The following TSTD2 variants were observed in gnomAD, a reference collection of about 807,000 sequenced individuals.
TSTD2 encodes thiosulfate sulfurtransferase/rhodanese-like domain-containing protein 2.
TSTD2 carries 37 observed loss-of-function variants against 47.9 expected under a neutral mutation model. That is an observed-to-expected ratio of 0.77 (90% CI 0.59 to 1.02). TSTD2 has a LOEUF of 1.02. Ranked by LOEUF, TSTD2 falls within the 50% of genes least tolerant of loss-of-function variation. The pLI, the probability that TSTD2 is intolerant of heterozygous loss-of-function variation, is 0.00. For synonymous variants in TSTD2, 201 were observed against 215.9 expected (o/e 0.93, Z 0.61); for missense variants, 586 against 616.0 (o/e 0.95, Z 0.52).
intron 6 of TSTD2, among the ~76,000 whole-genome samples, chr9:97,607,122 C>A (rs980309403): frequency 1.3e-5 from 2 of 152,138 alleles, no homozygotes; most frequent in African/African-American, 4.8e-5. Context: ...GCTATGATCA[C>A]ACCACTGTAC....
chr9:97,616,147 G>C (rs977408691), intron 4 of TSTD2, among the ~76,000 whole-genome samples: 3 of 152,170 alleles, frequency 2.0e-5, no homozygotes, highest in Non-Finnish European at 4.4e-5. Flanking sequence ...AGTGGGTGTA[G>C]GAGAGTTCCT....
rs1587971512 is a variant in TSTD2, at chr9:97,600,314, T to C, written c.*2155A>G. On this transcript the variant is annotated 3_prime_UTR_variant, in exon 10 of 10. Transcript: ENST00000341170. ...ATTCCTTTTGCTGGATATGCAGAAA[T>C]GATAGGAAAAAAACCAATGGTGAAA... 1.0e-6 allele frequency: 1 copy of C among 986,032 alleles called. No individual in the cohort carries two copies. Among genetic ancestry groups the C allele is most frequent in the East Asian group, 1.1e-4 (1 of 8,816 alleles). The allele number at this position is 986,032 out of a possible 1,614,324, so 61.1% of individuals were successfully genotyped here.
At chr9:97,610,744 A>T (rs1292662216) in intron 5 of TSTD2, 1 of 205,096 alleles carries the variant, frequency 4.9e-6, no homozygotes, top group Non-Finnish European at 9.7e-6. Flanking sequence ...CCCGGTTTTC[A>T]TTCTTTTCCT....
Position 97,633,322 on chromosome 9 carries a change from A to G in TSTD2, c.-130T>C. 1 of 333,622 alleles carries G rather than the reference A, an allele frequency of 3.0e-6. No homozygotes were observed. The highest frequency in any genetic ancestry group is 4.6e-5 in the East Asian group (1 of 21,886). The allele number at this position is 333,622 out of a possible 1,614,324, so 20.7% of individuals were successfully genotyped here. On this transcript the variant is annotated 5_prime_UTR_variant, in exon 1 of 10. Transcript: ENST00000341170. ...CAATTGTCACTGCTCACCGCCCTCG[A>G]GCCTATTCCCCCGCCGCGTATTTGG...
chr9:97,613,827 C>CTTTTT (rs755229835), intron 4 of TSTD2, among the ~76,000 whole-genome samples: 8 of 123,086 alleles, frequency 6.5e-5, no homozygotes, highest in African/African-American at 1.3e-4. Flanking sequence ...TTGATCAATT[C>CTTTTT]TTTTTTTTTT....
chr9:97,611,829 A>C, intron 4 of TSTD2, 130 bp from the exon 5 acceptor site: 2 of 856,592 alleles, frequency 2.3e-6, no homozygotes, highest in Non-Finnish European at 3.6e-6. Flanking sequence ...AGGACACCAA[A>C]GTGTTACTGG....
chr9:97,627,622 A>C lies in TSTD2; in HGVS notation c.-50-10T>G. 1 of 1,426,072 alleles carries C rather than the reference A, an allele frequency of 7.0e-7. No individual in the cohort carries two copies. The highest frequency in any genetic ancestry group is 9.4e-7 in the Non-Finnish European group (1 of 1,065,934). 88.3% of individuals were successfully genotyped at this position (1,426,072 alleles called of 1,614,324 possible). On this transcript the variant is annotated splice_polypyrimidine_tract_variant and intron_variant, in intron 1 of 9. Transcript: ENST00000341170. ...TTCAGTTAAATACCTCCTAGAATAT[A>C]AATAAGAAAGAAGCAGCCATGCTAT... is the stretch of plus-strand genomic sequence containing the variant.
chr9:97,616,910 G>A lies in TSTD2; in HGVS notation c.603+847C>T, dbSNP rs1826552141. On this transcript the variant is annotated intron_variant, in intron 4 of 9. Coordinates refer to ENST00000341170, the MANE Select transcript of TSTD2 (RefSeq NM_139246.5). ...CATTTTGGTATACACAACCTTCCAT[G>A]TTTATACATGCACTTCTGGTTTTGT... is the stretch of plus-strand genomic sequence containing the variant. Among the ~76,000 whole-genome samples the A allele has an allele frequency of 1.3e-5, 2 of 152,166 alleles. 1 individual carries two copies. The highest frequency in any genetic ancestry group is 4.1e-4 in the South Asian group (2 of 4,836).
intron 3 of TSTD2, among the ~76,000 whole-genome samples, chr9:97,624,349 G>A (rs562599484): frequency 4.6e-5 from 7 of 152,176 alleles, no homozygotes; most frequent in African/African-American, 1.4e-4. Context: ...GAGGAATGGA[G>A]GCCTTTGACT....
intron 1 of TSTD2, among the ~76,000 whole-genome samples, chr9:97,629,167 G>C (rs767224050): frequency 1.1e-4 from 16 of 152,178 alleles, no homozygotes; most frequent in Non-Finnish European, 1.9e-4. Flanking sequence ...ATGAGAGAAA[G>C]GAAGGTGGGA....
In TSTD2 at chr9:97,602,380, T is replaced by G; in HGVS notation, c.*89A>C. 1 of 1,433,000 alleles carries G rather than the reference T, an allele frequency of 7.0e-7. No homozygotes were observed. Among genetic ancestry groups the G allele is most frequent in the Non-Finnish European group, 9.3e-7 (1 of 1,080,824 alleles). 88.8% of individuals were successfully genotyped at this position (1,433,000 alleles called of 1,614,324 possible). A position where few individuals can be genotyped will look rare whatever the true frequency, so the allele number is the denominator to read the frequency against. ...GGCCAGAACTGAAGTTCCCGATTTCTCTGTTTCTGCAGTCTTGCCATGCTT... is the reference window on the plus strand; with the variant it reads ...GGCCAGAACTGAAGTTCCCGATTTCGCTGTTTCTGCAGTCTTGCCATGCTT... On this transcript the variant is annotated 3_prime_UTR_variant, in exon 10 of 10. Coordinates refer to ENST00000341170, the MANE Select transcript of TSTD2 (RefSeq NM_139246.5).
intron 1 of TSTD2, among the ~76,000 whole-genome samples, chr9:97,631,687 T>C (rs1826816457): frequency 6.6e-6 from 1 of 152,062 alleles, no homozygotes; most frequent in Non-Finnish European, 1.5e-5. Context: ...CTACTAAAAA[T>C]ATACAAATTA....
Position 97,600,799 on chromosome 9 carries a change from C to G in TSTD2, c.*1670G>C. ...ATTACACTGAAATGTAGTATTAGTA[C>G]TGCTGCCAGATCTCTTTTTAACATC... On this transcript the variant is annotated 3_prime_UTR_variant, in exon 10 of 10. Transcript: ENST00000341170. The G allele has an allele frequency of 9.3e-7, 1 of 1,073,904 alleles. No homozygotes were observed. Among genetic ancestry groups the G allele is most frequent in the African/African-American group, 1.7e-5 (1 of 59,318 alleles). 66.5% of individuals were successfully genotyped at this position (1,073,904 alleles called of 1,614,324 possible). A position where few individuals can be genotyped will look rare whatever the true frequency, so the allele number is the denominator to read the frequency against.
At chr9:97,630,481 A>C (rs1826791333) in intron 1 of TSTD2, among the ~76,000 whole-genome samples, 1 of 145,946 alleles carries the variant, frequency 6.9e-6, no homozygotes, top group Admixed American at 6.6e-5. Context: ...TAAGTAAGTA[A>C]TAAACAAACA....
rs765322224 is a variant in TSTD2, at chr9:97,617,757, C to T, written c.603G>A (p.Lys201=). The part of the protein sequence containing the change: ...ALCQHLHLTG[K]IRIAAEGING... ...GAAGGAATATAGGAGAAGGTGTTACCTTGCCTGTGAGGTGCAGGTGCTGAC... is the reference window on the plus strand; with the variant it reads ...GAAGGAATATAGGAGAAGGTGTTACTTTGCCTGTGAGGTGCAGGTGCTGAC... The change falls in exon 4 of 10, where the codon AAG becomes AAA. Residue 201 remains lysine, a splice_region_variant and synonymous_variant. Transcript: ENST00000341170. 47 of 1,612,440 alleles carry T rather than the reference C, an allele frequency of 2.9e-5. No homozygotes were observed. Among genetic ancestry groups the T allele is most frequent in the Admixed American group, 1.3e-4 (8 of 59,504 alleles).
intron 4 of TSTD2, among the ~76,000 whole-genome samples, chr9:97,615,711 T>C (rs1027020451): frequency 1.3e-5 from 2 of 152,236 alleles, no homozygotes; most frequent in Admixed American, 1.3e-4. Flanking sequence ...TCATTGCTAA[T>C]TTAGCACTTG....
intron 3 of TSTD2, among the ~76,000 whole-genome samples, chr9:97,618,411 C>T (rs151251434): frequency 1.3e-5 from 2 of 152,364 alleles, no homozygotes; most frequent in East Asian, 3.9e-4. Context: ...ACTCTTTCTA[C>T]TGCACTGGGC....
chr9:97,632,938 C>T (rs752286417), intron 1 of TSTD2, among the ~76,000 whole-genome samples: 2 of 152,220 alleles, frequency 1.3e-5, no homozygotes, highest in Non-Finnish European at 2.9e-5. Context: ...GTATGGTGCT[C>T]ATAAAGACAT....
intron 9 of TSTD2, chr9:97,602,999 C>CTT: frequency 2.3e-6 from 1 of 427,094 alleles, no homozygotes; most frequent in South Asian, 6.2e-5. Flanking sequence ...TATTTACTGA[C>CTT]TTTTTTTTTC....
Sources: allele counts gnomAD v4.1 joint callset (sites outside exome capture counted in the v4.1 genomes callset), GRCh38; gene constraint gnomAD v4.1.1; transcripts MANE v1.5; gene names NCBI Gene and HGNC (gene_info 2026-07-23, HGNC 2026-07-21).